DMD: variants seen among roughly 807,000 people sequenced by gnomAD.
The protein encoded by DMD is mutant dystrophin.
Under a neutral mutation model 330.1 loss-of-function variants are expected in DMD, and 63 were observed. The observed-to-expected ratio is 0.19, with a 90% confidence interval of 0.16 to 0.24. The LOEUF (loss-of-function observed/expected upper bound fraction) is 0.24, where lower values mean the gene tolerates loss of function less well. DMD is among the 10% of genes least tolerant of loss of function. The pLI, the probability that DMD is intolerant of heterozygous loss-of-function variation, is 1.00. For missense variants in DMD, 3,344 were observed against 2,684.1 expected (o/e 1.25, Z -5.43); for synonymous variants, 1,223 against 959.8 (o/e 1.27, Z -5.07).
intron 43 of DMD, among the ~76,000 whole-genome samples, chrX:32,220,731 G>A (rs938182438): frequency 2.7e-5 from 3 of 110,290 alleles, no homozygotes; most frequent in South Asian, 3.8e-4. Context: ...AATTTGTCTC[G>A]CTCCATTAAT....
chrX:32,643,791 T>C (rs2059620417), intron 11 of DMD, among the ~76,000 whole-genome samples: 2 of 111,701 alleles, frequency 1.8e-5, no homozygotes, highest in Non-Finnish European at 3.8e-5. Flanking sequence ...TAATAGGTGA[T>C]TTTATGTACA....
chrX:31,387,905 C>T (rs1418523194), intron 60 of DMD, among the ~76,000 whole-genome samples: 2 of 111,281 alleles, frequency 1.8e-5, no homozygotes, highest in Admixed American at 9.5e-5. Flanking sequence ...AACTCTCTAG[C>T]GTCTTCCTTG....
chrX:33,307,144 T>C (rs1603429790), intron 1 of DMD, among the ~76,000 whole-genome samples: 2 of 111,349 alleles, frequency 1.8e-5, no homozygotes, highest in East Asian at 5.7e-4. Context: ...GAAGAATGCA[T>C]GATCATTGCA....
intron 44 of DMD, among the ~76,000 whole-genome samples, chrX:32,149,642 T>C: frequency 8.9e-6 from 1 of 111,899 alleles, no homozygotes; most frequent in South Asian, 3.7e-4. Flanking sequence ...AGTCTATTAA[T>C]TAAAGACAGG....
chrX:32,778,743 G>A (rs1384053679), intron 7 of DMD, among the ~76,000 whole-genome samples: 1 of 111,259 alleles, frequency 9.0e-6, no homozygotes, highest in African/African-American at 3.3e-5. Context: ...TATCACTCAG[G>A]CCTACTCTTG....
intron 44 of DMD, among the ~76,000 whole-genome samples, chrX:32,104,477 A>G (rs2096554976): frequency 9.0e-6 from 1 of 111,643 alleles, no homozygotes; most frequent in South Asian, 3.7e-4. Context: ...CACAGGGCTT[A>G]GAGCTGTTCT....
rs193158956 is a variant in DMD at position 33,147,013 on chromosome X, G to C, written c.31+64269C>G. 4.0e-3 allele frequency among the ~76,000 whole-genome samples: 434 copies of C among 109,810 alleles called. 3 individuals are homozygous for C. The highest frequency in any genetic ancestry group is 0.014 in the African/African-American group (413 of 30,156). ...AATTTTTTTATTTTTTAGTAGAGAC[G>C]GGGTTTCACCGTGTCAGCCAGGATG... is the stretch of plus-strand genomic sequence containing the variant. On this transcript the variant is annotated intron_variant, in intron 1 of 78. Coordinates refer to ENST00000357033, the MANE Select transcript of DMD (RefSeq NM_004006.3).
intron 44 of DMD, among the ~76,000 whole-genome samples, chrX:32,130,506 C>A (rs1053740783): frequency 7.2e-5 from 8 of 110,860 alleles, no homozygotes; most frequent in African/African-American, 2.3e-4. Context: ...GGTTAAAAAC[C>A]CCAATGGCTT....
At position 31,367,718 on chromosome X, in the gene DMD, A is replaced by G. The variant is rs1223096705; in HGVS notation, c.9085-19084T>C. Among the ~76,000 whole-genome samples the G allele has an allele frequency of 2.7e-5, 3 of 111,975 alleles. No individual in the cohort carries two copies. The East Asian group carries it at 8.4e-4, about 31-fold the overall frequency. On this transcript the variant is annotated intron_variant, in intron 60 of 78. Transcript: ENST00000357033. Reference sequence around the variant, plus strand: ...ATAACCCCATGAGTTAAGAATACAAATGCTCTGGCATATCAGAATTGTTCA... The same window carrying G: ...ATAACCCCATGAGTTAAGAATACAAGTGCTCTGGCATATCAGAATTGTTCA...
Position 31,967,052 on chromosome X carries a change from C to T in DMD, c.6614+1287G>A, listed in dbSNP as rs764440138. On this transcript the variant is annotated intron_variant, in intron 45 of 78. Coordinates refer to ENST00000357033, the MANE Select transcript of DMD (RefSeq NM_004006.3). ...TAGATTGAGCCTAGTTCAGAAATGA[C>T]ATTATACAGGTTTATACCTGTTCAT... 5.5e-5 allele frequency among the ~76,000 whole-genome samples: 6 copies of T among 110,011 alleles called. No homozygotes were observed. In the Admixed American group the frequency reaches 5.8e-4, roughly 11 times the overall value.
chrX:32,470,529 G>A (rs2040518322), intron 22 of DMD, among the ~76,000 whole-genome samples: 1 of 110,391 alleles, frequency 9.1e-6, no homozygotes, highest in African/African-American at 3.3e-5. Flanking sequence ...CTTTTTCAGT[G>A]GAAATAGTCT....
chrX:31,164,894 T>C (rs754783887), intron 74 of DMD, among the ~76,000 whole-genome samples: 9 of 110,722 alleles, frequency 8.1e-5, no homozygotes, highest in Non-Finnish European at 1.7e-4. Flanking sequence ...TTTGCCTTCT[T>C]AAAAAAGGTA....
intron 17 of DMD, among the ~76,000 whole-genome samples, chrX:32,539,174 T>C (rs1264057527): frequency 2.1e-5 from 1 of 47,810 alleles, no homozygotes; most frequent in Non-Finnish European, 4.4e-5. Flanking sequence ...TTCTATTTCT[T>C]TTTTTTTTTT....
chrX:32,671,436 T>C (rs941831220), intron 9 of DMD, among the ~76,000 whole-genome samples: 2 of 111,490 alleles, frequency 1.8e-5, no homozygotes, highest in African/African-American at 6.5e-5. Context: ...TATATAAATG[T>C]TATTTTAAAA....
intron 7 of DMD, among the ~76,000 whole-genome samples, chrX:32,700,504 T>C (rs922249965): frequency 1.8e-5 from 2 of 111,290 alleles, no homozygotes; most frequent in Middle Eastern, 4.6e-3. Flanking sequence ...ACCTAGTTTA[T>C]AACAATGTAT....
At chrX:32,716,122 A>G (rs944926461) in intron 7 of DMD, among the ~76,000 whole-genome samples, 2 of 111,633 alleles carry the variant, frequency 1.8e-5, no homozygotes, top group African/African-American at 6.5e-5. Context: ...CAGCGTCAAT[A>G]CAGAGGAGGA....
intron 1 of DMD, among the ~76,000 whole-genome samples, chrX:33,294,167 T>C (rs926736551): frequency 2.7e-5 from 3 of 111,569 alleles, no homozygotes; most frequent in African/African-American, 9.7e-5. Flanking sequence ...TAACTTTCAC[T>C]GTTCTGACTG....
At chrX:33,116,129 G>A (rs1363792655) in intron 1 of DMD, among the ~76,000 whole-genome samples, 4 of 109,730 alleles carry the variant, frequency 3.6e-5, no homozygotes, top group African/African-American at 1.0e-4. Context: ...GGAGGCAGAG[G>A]TTGCAGTGAG....
chrX:32,611,204 T>A (rs201565492), intron 12 of DMD, among the ~76,000 whole-genome samples: 3 of 105,305 alleles, frequency 2.8e-5, no homozygotes, highest in Admixed American at 2.1e-4. Context: ...TTAATTTTTA[T>A]AAAAAAAAAA....
Sources: gnomAD v4.1 joint callset for allele counts (sites outside exome capture counted in the v4.1 genomes callset) on GRCh38, gnomAD v4.1.1 for gene constraint, MANE v1.5 for transcripts, NCBI Gene and HGNC (gene_info 2026-07-23, HGNC 2026-07-21) for gene names.